CLIC5: variants seen among roughly 807,000 people sequenced by gnomAD.
CLIC5 encodes CLIC family member 5, also known as chloride intracellular channel protein 5.
Under a neutral mutation model 24.7 loss-of-function variants are expected in CLIC5, and 20 were observed. The observed-to-expected ratio is 0.81, with a 90% CI of 0.57 to 1.18. The LOEUF (loss-of-function observed/expected upper bound fraction) is 1.18, where lower values mean the gene tolerates loss of function less well. Among genes scored for constraint, CLIC5 ranks in the 50% most tolerant of loss-of-function variants. CLIC5 has a pLI of 0.00. For missense variants in CLIC5, 341 were observed against 326.1 expected (o/e 1.05, Z -0.35); for synonymous variants, 159 against 135.6 (o/e 1.17, Z -1.20).
the CLIC5 span, among the ~76,000 whole-genome samples, chr6:46,095,729 G>T: frequency 6.6e-6 from 1 of 152,120 alleles, no homozygotes; most frequent in African/African-American, 2.4e-5. Context: ...AATACTCTAG[G>T]AAGTCCCAAA....
the CLIC5 span, among the ~76,000 whole-genome samples, chr6:46,121,537 A>T: frequency 6.6e-6 from 1 of 152,226 alleles, no homozygotes; most frequent in Non-Finnish European, 1.5e-5. Flanking sequence ...CGAGCAAAAT[A>T]ACCAGCTAAC....
At chr6:46,005,986 A>G (rs960954280) in intron 1 of CLIC5, among the ~76,000 whole-genome samples, 1 of 123,172 alleles carries the variant, frequency 8.1e-6, no homozygotes. Flanking sequence ...GTGTGTATAT[A>G]TATATATATA....
chr6:45,893,532 CT>C (rs1305920171), downstream of CLIC5, among the ~76,000 whole-genome samples: 2 of 152,154 alleles, frequency 1.3e-5, no homozygotes, highest in South Asian at 4.1e-4. Context: ...CTATATCACA[CT>C]TCCACAAATC....
At chr6:45,885,874 G>A (rs1320641771) in intron 6 of CLIC5, among the ~76,000 whole-genome samples, 1 of 152,196 alleles carries the variant, frequency 6.6e-6, no homozygotes, top group African/African-American at 2.4e-5. Flanking sequence ...GATGGCCTAA[G>A]AAGGATGGGA....
At chr6:46,063,617 A>C (rs1050102239) in intron 1 of CLIC5, among the ~76,000 whole-genome samples, 4 of 152,212 alleles carry the variant, frequency 2.6e-5, no homozygotes, top group African/African-American at 9.6e-5. Flanking sequence ...CTAAGTCCTG[A>C]TCTGCATGTG....
intron 4 of CLIC5, among the ~76,000 whole-genome samples, chr6:45,939,050 C>A (rs904934846): frequency 6.6e-6 from 1 of 152,136 alleles, no homozygotes; most frequent in Non-Finnish European, 1.5e-5. Context: ...ACAACAGAGA[C>A]TTTTCCCCTT....
At chr6:46,027,758 C>T (rs1185476699) in intron 1 of CLIC5, among the ~76,000 whole-genome samples, 5 of 152,130 alleles carry the variant, frequency 3.3e-5, no homozygotes, top group Non-Finnish European at 7.4e-5. Context: ...AATTTTTTAT[C>T]TCAAAATTCC....
chr6:45,908,321 G>A (rs1286758024), intron 5 of CLIC5, among the ~76,000 whole-genome samples: 1 of 151,934 alleles, frequency 6.6e-6, no homozygotes, highest in African/African-American at 2.4e-5. Context: ...TAGCTTTGAG[G>A]TTAGTTTGTT....
chr6:46,063,900 A>G (rs973779204), intron 1 of CLIC5, among the ~76,000 whole-genome samples: 2 of 152,236 alleles, frequency 1.3e-5, no homozygotes, highest in East Asian at 1.9e-4. Flanking sequence ...TCACTTAACT[A>G]TATCCCAGAA....
At chr6:46,016,886 G>A (rs1391002942), upstream of CLIC5, among the ~76,000 whole-genome samples, 1 of 152,194 alleles carries the variant, frequency 6.6e-6, no homozygotes, top group Non-Finnish European at 1.5e-5. Flanking sequence ...CATCCATTGT[G>A]CTATGTGTAG....
intron 1 of CLIC5, among the ~76,000 whole-genome samples, chr6:45,963,549 C>T (rs1375771288): frequency 1.3e-5 from 2 of 152,102 alleles, no homozygotes; most frequent in African/African-American, 4.8e-5. Flanking sequence ...CTCCTCCATG[C>T]TTGGTGCTCT....
chr6:46,067,843 G>A (rs1762484969), intron 1 of CLIC5, among the ~76,000 whole-genome samples: 1 of 152,138 alleles, frequency 6.6e-6, no homozygotes, highest in Non-Finnish European at 1.5e-5. Flanking sequence ...GCCCATGTCT[G>A]GGGGTTCCCA....
At chr6:46,088,768 T>G in the CLIC5 span, among the ~76,000 whole-genome samples, 1 of 152,238 alleles carries the variant, frequency 6.6e-6, no homozygotes, top group Non-Finnish European at 1.5e-5. Context: ...ATTTGTTGAT[T>G]TAGAAGATTC....
intron 1 of CLIC5, among the ~76,000 whole-genome samples, chr6:45,988,564 C>G (rs1469710354): frequency 2.0e-5 from 3 of 152,212 alleles, no homozygotes; most frequent in African/African-American, 7.2e-5. Context: ...CCAGCCATCT[C>G]TCCAAAGCAT....
At chr6:46,121,635 G>C in the CLIC5 span, among the ~76,000 whole-genome samples, 1 of 152,156 alleles carries the variant, frequency 6.6e-6, no homozygotes, top group Non-Finnish European at 1.5e-5. Context: ...ACACAGACTG[G>C]CAAATTGGAT....
At chr6:45,988,338 G>C (rs769993043) in intron 1 of CLIC5, among the ~76,000 whole-genome samples, 2 of 152,168 alleles carry the variant, frequency 1.3e-5, no homozygotes, top group African/African-American at 2.4e-5. Context: ...TGCTGGGGTG[G>C]CAGTTCTGCC....
the CLIC5 span, among the ~76,000 whole-genome samples, chr6:46,119,231 C>T: frequency 6.6e-6 from 1 of 152,244 alleles, no homozygotes; most frequent in African/African-American, 2.4e-5. Flanking sequence ...CCATGCTAAT[C>T]TGCAAGAATT....
chr6:46,112,600 CA>C, the CLIC5 span, among the ~76,000 whole-genome samples: 1 of 152,138 alleles, frequency 6.6e-6, no homozygotes, highest in Non-Finnish European at 1.5e-5. Context: ...GGGTTATTAG[CA>C]ATTGTATACA....
chr6:46,074,306 G>C (rs1372800224), intron 1 of CLIC5, among the ~76,000 whole-genome samples: 1 of 152,040 alleles, frequency 6.6e-6, no homozygotes, highest in Non-Finnish European at 1.5e-5. Flanking sequence ...ACACCACATG[G>C]ATTATGTTGA....
Sources: allele counts gnomAD v4.1 joint callset (sites outside exome capture counted in the v4.1 genomes callset), GRCh38; gene constraint gnomAD v4.1.1; transcripts MANE v1.5; gene names NCBI Gene and HGNC (gene_info 2026-07-23, HGNC 2026-07-21).